The following JAG1 variants were observed in gnomAD, a reference collection of about 807,000 sequenced individuals.
JAG1 encodes the protein protein jagged-1.
Under a neutral mutation model 148.7 loss-of-function variants are expected in JAG1, and 23 were observed. The ratio of observed to expected loss-of-function variants is 0.15; its 90% CI spans 0.11 to 0.22. The LOEUF (loss-of-function observed/expected upper bound fraction) is 0.22. JAG1 is among the 10% of genes least tolerant of loss of function. JAG1 has a pLI of 1.00. For missense variants in JAG1, 1,054 were observed against 1,611.2 expected (o/e 0.65, Z 5.92); for synonymous variants, 572 against 598.3 (o/e 0.96, Z 0.64).
At chr20:10,660,679 A>T (rs1433894382) in intron 3 of JAG1, among the ~76,000 whole-genome samples, 1 of 152,206 alleles carries the variant, frequency 6.6e-6, no homozygotes, top group East Asian at 1.9e-4. Context: ...AGCTGCATAC[A>T]TAATTTCACA....
intron 3 of JAG1, 73 bp downstream of exon 3, chr20:10,663,890 C>G (rs1340977687): frequency 1.7e-6 from 2 of 1,161,510 alleles, no homozygotes; most frequent in African/African-American, 3.0e-5. Context: ...GAGACAGATC[C>G]AGCTCCAACT....
Position 10,649,073 on chromosome 20 carries a change from G to A in JAG1, c.1383C>T (p.Asp461=), listed in dbSNP as rs140604589. The change falls in exon 11 of 26, where the codon GAC becomes GAT. Residue 461 remains aspartate (D), a synonymous_variant. Transcript: ENST00000254958. The stretch of plus-strand genomic sequence containing the variant: ...AAGATTTACATACCCGACAGGAGGC[G>A]TCATTCTGACACTGGCCAAGGCAGT... ...INDCLGQCQN[D]ASCRDLVNGY... is the part of the protein sequence containing the mutation. 63 of 1,609,810 alleles carry A rather than the reference G, an allele frequency of 3.9e-5. No homozygotes were observed. Among genetic ancestry groups the A allele is most frequent in the Middle Eastern group, 1.6e-4 (1 of 6,072 alleles).
chr20:10,661,840 G>A (rs1168135089), intron 3 of JAG1, among the ~76,000 whole-genome samples: 4 of 152,232 alleles, frequency 2.6e-5, no homozygotes, highest in Admixed American at 6.5e-5. Context: ...AAGGCAGGCA[G>A]ATTCAAGTGA....
chr20:10,651,743 C>A, intron 7 of JAG1, 49 bp from the exon 8 acceptor site: 1 of 1,159,704 alleles, frequency 8.6e-7, no homozygotes, highest in Non-Finnish European at 1.3e-6. Flanking sequence ...CACACCGTTA[C>A]CTCCCCACAC....
chr20:10,664,545 G>A (rs186183804), intron 2 of JAG1, among the ~76,000 whole-genome samples: 10 of 152,232 alleles, frequency 6.6e-5, no homozygotes, highest in African/African-American at 2.4e-4. Flanking sequence ...TGAAAACTCT[G>A]TCTATGTGAG....
At chr20:10,646,681 C>A (rs1251197477) in intron 14 of JAG1, among the ~76,000 whole-genome samples, 1 of 151,878 alleles carries the variant, frequency 6.6e-6, no homozygotes, top group Non-Finnish European at 1.5e-5. Context: ...GCGTGGTGGG[C>A]GTGGTGCGCA....
At chr20:10,640,658 G>A (rs1379350554) in intron 25 of JAG1, 125 bp downstream of exon 25, 3 of 1,003,758 alleles carry the variant, frequency 3.0e-6, no homozygotes, top group Admixed American at 1.8e-5. Context: ...TCAGTTCTCA[G>A]TTAAATTGGG....
chr20:10,662,039 A>G (rs966589670), intron 3 of JAG1, among the ~76,000 whole-genome samples: 1 of 152,196 alleles, frequency 6.6e-6, no homozygotes, highest in Non-Finnish European at 1.5e-5. Flanking sequence ...TTTGGTTTTG[A>G]CTGTGCTGAA....
At chr20:10,658,856 A>G in intron 3 of JAG1, 134 bp from the exon 4 acceptor site, 1 of 947,750 alleles carries the variant, frequency 1.1e-6, no homozygotes, top group Middle Eastern at 3.3e-4. Flanking sequence ...AAGAAATGAA[A>G]AGTTTATGCC....
chr20:10,657,920 G>A (rs6514116), intron 4 of JAG1, among the ~76,000 whole-genome samples: 76,328 of 152,046 alleles, frequency 0.5, 19,283 homozygotes, highest in East Asian at 0.68. Context: ...CAACTGGGCT[G>A]ACCTAGTCCT....
At chr20:10,669,091 C>T (rs1338630786) in intron 2 of JAG1, among the ~76,000 whole-genome samples, 2 of 152,152 alleles carry the variant, frequency 1.3e-5, no homozygotes, top group Non-Finnish European at 2.9e-5. Flanking sequence ...AGCTATTCTG[C>T]AGATACTTAG....
At position 10,646,092 on chromosome 20, in the gene JAG1, A is replaced by C. The variant is rs762958920; in HGVS notation, c.1886-8T>G. ...TCTCACAGTCATTAATATCTATGAAACAAAGTAAAGCAAAAAAAGAACTGA... is the reference window on the plus strand; with the variant it reads ...TCTCACAGTCATTAATATCTATGAACCAAAGTAAAGCAAAAAAAGAACTGA... On this transcript the variant is annotated splice_polypyrimidine_tract_variant and splice_region_variant and intron_variant, in intron 14 of 25. Transcript: ENST00000254958. 6.3e-6 allele frequency: 10 copies of C among 1,597,590 alleles called. No homozygotes were observed. The Admixed American group carries it at 1.5e-4, about 24-fold the overall frequency.
Position 10,649,073 on chromosome 20 carries a change from G to C in JAG1, c.1383C>G (p.Asp461Glu). The stretch of plus-strand genomic sequence containing the variant: ...AAGATTTACATACCCGACAGGAGGC[G>C]TCATTCTGACACTGGCCAAGGCAGT... ...INDCLGQCQN[D>E]ASCRDLVNGY... Residue 461 changes from aspartate to glutamate, a missense_variant, in exon 11 of 26, where the codon GAC becomes GAG. Physicochemically the swap from Asp to Glu is conservative, Grantham distance 45 (BLOSUM62 2). Coordinates refer to ENST00000254958, the MANE Select transcript of JAG1 (RefSeq NM_000214.3). 1 of 1,609,928 alleles carries C rather than the reference G, an allele frequency of 6.2e-7. No homozygotes were observed.
rs562214817 is a variant in JAG1, at chr20:10,656,716, A to G, written c.695-258T>C. On this transcript the variant is annotated intron_variant, in intron 4 of 25. Coordinates refer to ENST00000254958, the MANE Select transcript of JAG1 (RefSeq NM_000214.3). ...CAGACAAGTTGACGAGGGAAGGGGG[A>G]CCTTCGTCCAGCCTCTCTAAACCAC... Among the ~76,000 whole-genome samples the G allele has an allele frequency of 7.9e-5, 12 of 152,218 alleles. No individual in the cohort carries two copies. In the East Asian group the frequency reaches 1.7e-3, roughly 22 times the overall value.
At position 10,640,918 on chromosome 20, in the gene JAG1, G is replaced by T; in HGVS notation, c.3064C>A (p.Arg1022=). ...IHVAISAEDI[R]DDGNPIKEIT... is the part of the protein sequence containing the mutation. ...TCCTTGATCGGGTTCCCATCATCCC[G>T]TATATCTTCAGCAGACTGGAAAAAC... Residue 1022 remains arginine (R), a synonymous_variant, in exon 25 of 26, where the codon CGG becomes AGG. Transcript: ENST00000254958. 6.2e-7 allele frequency: 1 copy of T among 1,614,020 alleles called. No homozygotes were observed. Among genetic ancestry groups the T allele is most frequent in the East Asian group, 2.2e-5 (1 of 44,870 alleles).
chr20:10,648,104 T>C lies in JAG1; in HGVS notation c.1576A>G (p.Ile526Val). The C allele has an allele frequency of 6.2e-7, 1 of 1,614,148 alleles. No homozygotes were observed. Among genetic ancestry groups the C allele is most frequent in the African/African-American group, 1.3e-5 (1 of 75,026 alleles). ...GFSGNLCQLD[I>V]DYCEPNPCQN... The stretch of plus-strand genomic sequence containing the variant: ...CAGGGATTAGGCTCACAATAATCGA[T>C]GTCCAGCTGCAAATATCAGGAACAG... The change falls in exon 13 of 26, where the codon ATC becomes GTC. Residue 526 changes from isoleucine to valine, a missense_variant. Physicochemically the swap from Ile to Val is conservative, Grantham distance 29. Coordinates refer to ENST00000254958, the MANE Select transcript of JAG1 (RefSeq NM_000214.3).
chr20:10,663,575 A>G (rs2067431923), intron 3 of JAG1, among the ~76,000 whole-genome samples: 1 of 152,226 alleles, frequency 6.6e-6, no homozygotes, highest in East Asian at 1.9e-4. Context: ...CACCACCTTT[A>G]TGGCTTTATC....
Position 10,645,773 on chromosome 20 carries a change from AG to A in JAG1, c.1999+197del. On this transcript the variant is annotated intron_variant, in intron 15 of 25. Transcript: ENST00000254958. This position sits in a 1 kb window ranked among gnomAD's most constrained non-coding sequence, Gnocchi z 6.1. ...ACACAGTCTAATTCTATAGGTCCTC[AG>A]CAGAAGCTCCTCCCCATAAGCTATC... 1.6e-6 allele frequency: 1 copy of A among 630,342 alleles called. No individual in the cohort carries two copies. 39.0% of individuals were successfully genotyped at this position (630,342 alleles called of 1,614,324 possible). A position where few individuals can be genotyped will look rare whatever the true frequency, so the allele number is the denominator to read the frequency against.
rs1384462228 is a variant in JAG1 at position 10,639,724 on chromosome 20, G to C, written c.3431C>G (p.Ser1144Cys). 1.2e-6 allele frequency: 2 copies of C among 1,614,138 alleles called. No individual in the cohort carries two copies. Among genetic ancestry groups the C allele is most frequent in the East Asian group, 4.5e-5 (2 of 44,878 alleles). The change falls in exon 26 of 26, where the codon TCC becomes TGC. Residue 1144 changes from serine (S) to cysteine (C), a missense_variant. Around this residue, in one of 6 missense-constraint regions of JAG1, gnomAD observed 177 missense variants for 177.3 expected, o/e 1.00. Coordinates refer to ENST00000254958, the MANE Select transcript of JAG1 (RefSeq NM_000214.3). ...GTGTGTCCTTATTTTAGACATTTTG[G>C]AGTTCTTGTTCTCATAATCCTTGAT... ...VPIKDYENKN[S>C]KMSKIRTHNS...
Sources: allele counts gnomAD v4.1 joint callset (sites outside exome capture counted in the v4.1 genomes callset), GRCh38; gene constraint gnomAD v4.1.1; regional missense constraint gnomAD v4.1.1; non-coding constraint Gnocchi (gnomAD v3.1); transcripts MANE v1.5; gene names NCBI Gene and HGNC (gene_info 2026-07-23, HGNC 2026-07-21).